MTUS2: variants seen among roughly 807,000 people sequenced by gnomAD.
MTUS2 encodes the protein microtubule-associated tumor suppressor candidate 2.
Under a neutral mutation model 114.1 loss-of-function variants are expected in MTUS2, and 40 were observed. The observed-to-expected ratio is 0.35, with a 90% confidence interval of 0.27 to 0.46. MTUS2 has a LOEUF of 0.46. MTUS2 is among the 20% of genes least tolerant of loss of function. The pLI is 1.00. For missense variants in MTUS2, 1,679 were observed against 1,705.4 expected, an observed-to-expected ratio of 0.98 and a Z score of 0.27; for synonymous variants, 688 against 672.0, an observed-to-expected ratio of 1.02 and a Z score of -0.37.
At chr13:29,146,675 C>T (rs1306766048) in intron 5 of MTUS2, among the ~76,000 whole-genome samples, 1 of 152,132 alleles carries the variant, frequency 6.6e-6, no homozygotes, top group Non-Finnish European at 1.5e-5. Flanking sequence ...CTACCTACTA[C>T]CTATGCAAAT....
At chr13:29,254,422 C>A (rs1897229292) in intron 5 of MTUS2, among the ~76,000 whole-genome samples, 1 of 152,192 alleles carries the variant, frequency 6.6e-6, no homozygotes, top group South Asian at 2.1e-4. Context: ...CAGGAACAGG[C>A]AGAGGCATTT....
At chr13:28,836,870 G>A (rs1261483768) in intron 1 of MTUS2, among the ~76,000 whole-genome samples, 1 of 152,134 alleles carries the variant, frequency 6.6e-6, no homozygotes, top group East Asian at 1.9e-4. Context: ...ATTAGGCAGT[G>A]GACACCCACA....
Position 29,409,316 on chromosome 13 carries a change from A to T in MTUS2, c.3118-30667A>T, listed in dbSNP as rs142505441. On this transcript the variant is annotated intron_variant, in intron 8 of 15. Coordinates refer to ENST00000612955, the MANE Select transcript of MTUS2 (RefSeq NM_001033602.4). ...AGGGGACAGAGTGAAACTGTCTCAAAAAAAACAAAAAATCAAATTGTTCAC... is the reference window on the plus strand; with the variant it reads ...AGGGGACAGAGTGAAACTGTCTCAATAAAAACAAAAAATCAAATTGTTCAC... Among the ~76,000 whole-genome samples, 747 of 152,304 alleles carry T rather than the reference A, an allele frequency of 4.9e-3. 6 individuals are homozygous for T. The highest frequency in any genetic ancestry group is 9.0e-3 in the Non-Finnish European group (610 of 68,024).
At chr13:29,188,346 C>A (rs1894307368) in intron 5 of MTUS2, among the ~76,000 whole-genome samples, 1 of 152,096 alleles carries the variant, frequency 6.6e-6, no homozygotes, top group African/African-American at 2.4e-5. Flanking sequence ...GGAAGATATA[C>A]ATCTTGGAGC....
At chr13:29,369,227 C>T (rs551596666) in intron 8 of MTUS2, among the ~76,000 whole-genome samples, 10 of 152,242 alleles carry the variant, frequency 6.6e-5, no homozygotes, top group African/African-American at 1.7e-4. Flanking sequence ...TATTATCAAA[C>T]GGTTTATTTA....
intron 2 of MTUS2, among the ~76,000 whole-genome samples, chr13:28,920,945 G>A (rs59151915): frequency 0.023 from 3,474 of 152,260 alleles, 130 homozygotes; most frequent in African/African-American, 0.078. Context: ...CACCCTTTAG[G>A]GCAGTGGGCT....
chr13:29,355,047 TC>T (rs1319837284), intron 7 of MTUS2, among the ~76,000 whole-genome samples: 1 of 152,220 alleles, frequency 6.6e-6, no homozygotes, highest in Non-Finnish European at 1.5e-5. Context: ...ATATTGAGGT[TC>T]CCGTGCTGCA....
chr13:29,053,915 C>T (rs1888014751), intron 4 of MTUS2, among the ~76,000 whole-genome samples: 1 of 152,140 alleles, frequency 6.6e-6, no homozygotes, highest in South Asian at 2.1e-4. Flanking sequence ...TTTCACTTCT[C>T]TTGGACAAAT....
intron 2 of MTUS2, among the ~76,000 whole-genome samples, chr13:28,949,469 T>TA (rs1268791222): frequency 6.6e-6 from 1 of 152,260 alleles, no homozygotes; most frequent in African/African-American, 2.4e-5. Flanking sequence ...TTAATTGTGG[T>TA]AAAATACACC....
intron 4 of MTUS2, among the ~76,000 whole-genome samples, chr13:29,098,823 T>C (rs1438763955): frequency 6.6e-6 from 1 of 152,224 alleles, no homozygotes. Flanking sequence ...GAGTTTAACT[T>C]TTCTTCCAAA....
At chr13:29,122,115 G>A (rs1891335454) in intron 5 of MTUS2, among the ~76,000 whole-genome samples, 1 of 152,118 alleles carries the variant, frequency 6.6e-6, no homozygotes, top group South Asian at 2.1e-4. Context: ...ACTCTTTACT[G>A]ATGCAAAAAC....
intron 2 of MTUS2, among the ~76,000 whole-genome samples, chr13:29,012,713 A>G (rs1472248542): frequency 6.6e-6 from 1 of 152,058 alleles, no homozygotes; most frequent in Non-Finnish European, 1.5e-5. Flanking sequence ...TCTCCACTAA[A>G]AATACAAAAA....
chr13:29,337,233 A>G (rs1290817467), intron 7 of MTUS2, among the ~76,000 whole-genome samples: 1 of 151,936 alleles, frequency 6.6e-6, no homozygotes, highest in Non-Finnish European at 1.5e-5. Context: ...GTCTACCCGA[A>G]TGGCCACCCA....
chr13:29,346,225 A>G (rs2138148210), intron 7 of MTUS2, among the ~76,000 whole-genome samples: 1 of 152,118 alleles, frequency 6.6e-6, no homozygotes. Flanking sequence ...GGTGGTAAGT[A>G]TTTGGTTTCT....
At position 29,227,049 on chromosome 13, in the gene MTUS2, G is replaced by A. The variant is rs543456491; in HGVS notation, c.2645-54655G>A. The stretch of plus-strand genomic sequence containing the variant: ...GAGGCAGGTGGATCTCTTGAGATCA[G>A]GAGTCTGAGACCAGCCTGCCCAACA... On this transcript the variant is annotated intron_variant, in intron 5 of 15. Transcript: ENST00000612955. 3.3e-5 allele frequency among the ~76,000 whole-genome samples: 5 copies of A among 152,208 alleles called. No individual in the cohort carries two copies. The East Asian group carries it at 9.7e-4, about 29-fold the overall frequency.
At chr13:29,104,813 T>C (rs1376687721) in intron 5 of MTUS2, among the ~76,000 whole-genome samples, 3 of 152,218 alleles carry the variant, frequency 2.0e-5, no homozygotes, top group African/African-American at 7.2e-5. Context: ...ACTTAGAAAT[T>C]AAGCGTAAAC....
intron 5 of MTUS2, among the ~76,000 whole-genome samples, chr13:29,181,227 C>T (rs1484061418): frequency 6.6e-6 from 1 of 151,974 alleles, no homozygotes; most frequent in Admixed American, 6.6e-5. Context: ...ACTGTGTAAC[C>T]CTATCAGCCA....
At chr13:29,400,878 C>T (rs1256399481) in intron 8 of MTUS2, among the ~76,000 whole-genome samples, 1 of 152,212 alleles carries the variant, frequency 6.6e-6, no homozygotes, top group Non-Finnish European at 1.5e-5. Context: ...TTCCCATCCC[C>T]TGCTCATTCT....
intron 2 of MTUS2, among the ~76,000 whole-genome samples, chr13:28,846,301 T>C (rs1380815615): frequency 6.6e-6 from 1 of 152,106 alleles, no homozygotes; most frequent in African/African-American, 2.4e-5. Flanking sequence ...AGCTCTCTCT[T>C]TGGAGTTTAA....
Sources: allele counts gnomAD v4.1 joint callset (sites outside exome capture counted in the v4.1 genomes callset), GRCh38; gene constraint gnomAD v4.1.1; transcripts MANE v1.5; gene names NCBI Gene and HGNC (gene_info 2026-07-23, HGNC 2026-07-21).